Variants in MICAL3 observed in about 807,000 individuals in gnomAD.
The protein encoded by MICAL3 is microtubule associated monooxygenase, calponin and LIM domain containing 3.
MICAL3 carries 62 observed loss-of-function variants against 207.4 expected under a neutral mutation model. The ratio of observed to expected loss-of-function variants is 0.30; its 90% CI spans 0.24 to 0.37. MICAL3 has a LOEUF of 0.37. MICAL3 is among the 10% of genes least tolerant of loss of function. The probability of loss-of-function intolerance (pLI) is 1.00; values close to 1 mark genes in which losing one functional copy is unlikely to be tolerated. For missense variants in MICAL3, 2,368 were observed against 2,635.6 expected (o/e 0.90, Z 2.22); for synonymous variants, 1,077 against 1,069.3 (o/e 1.01, Z -0.14).
At chr22:17,996,182 G>C (rs138222930) in intron 1 of MICAL3, among the ~76,000 whole-genome samples, 5 of 147,578 alleles carry the variant, frequency 3.4e-5, no homozygotes, top group African/African-American at 1.2e-4. Flanking sequence ...GCTCACACCT[G>C]TAATCCCAAC....
rs188250032 is a variant in MICAL3, at chr22:17,971,907, G to C, written c.-75+52374C>G. On this transcript the variant is annotated intron_variant, in intron 1 of 31. Coordinates refer to ENST00000441493, the MANE Select transcript of MICAL3 (RefSeq NM_015241.3). ...CACCGGCACAGGCGACAATGCACAT[G>C]GCCTTCCAGGACCACCGGCCAGTGG... 3.2e-3 allele frequency among the ~76,000 whole-genome samples: 482 copies of C among 152,266 alleles called. 4 individuals are homozygous for C. Among genetic ancestry groups the C allele is most frequent in the African/African-American group, 0.011 (459 of 41,552 alleles).
At chr22:17,880,206 T>C (rs1929289579) in intron 16 of MICAL3, among the ~76,000 whole-genome samples, 1 of 152,194 alleles carries the variant, frequency 6.6e-6, no homozygotes, top group African/African-American at 2.4e-5. Flanking sequence ...GATTCGAGTC[T>C]GGCTGCATTG....
intron 1 of MICAL3, among the ~76,000 whole-genome samples, chr22:18,001,730 C>G (rs559207640): frequency 5.2e-4 from 79 of 152,376 alleles, no homozygotes; most frequent in Middle Eastern, 3.4e-3. Context: ...CCTTCGTCCT[C>G]TCCGTCCCCC....
chr22:17,830,821 G>A (rs762952694), intron 21 of MICAL3, among the ~76,000 whole-genome samples: 2 of 152,214 alleles, frequency 1.3e-5, no homozygotes, highest in Non-Finnish European at 2.9e-5. Context: ...CTGTTCTCGC[G>A]GACGCCCAAC....
intron 25 of MICAL3, 51 bp from the exon 26 acceptor site, chr22:17,819,180 C>T: frequency 7.0e-7 from 1 of 1,420,080 alleles, no homozygotes; most frequent in East Asian, 2.5e-5. Context: ...CTTTCACGAC[C>T]AGCAGCATCC....
chr22:17,812,051 C>T (rs1227016858), intron 27 of MICAL3, among the ~76,000 whole-genome samples: 1 of 152,208 alleles, frequency 6.6e-6, no homozygotes, highest in East Asian at 1.9e-4. Flanking sequence ...ACCTGGCCAA[C>T]AAGAAAACTT....
intron 2 of MICAL3, 60 bp from the exon 3 acceptor site, chr22:17,904,899 T>G: frequency 8.0e-7 from 1 of 1,250,552 alleles, no homozygotes; most frequent in South Asian, 1.2e-5. Context: ...TCTCAAGAAG[T>G]CTCATGATTG....
chr22:17,880,511 T>C (rs1242828096), intron 16 of MICAL3, among the ~76,000 whole-genome samples: 1 of 152,234 alleles, frequency 6.6e-6, no homozygotes, highest in Admixed American at 6.5e-5. Flanking sequence ...GGTCACACTT[T>C]AAACAGGCCA....
chr22:18,002,357 G>A (rs1293707223), intron 1 of MICAL3, among the ~76,000 whole-genome samples: 2 of 152,148 alleles, frequency 1.3e-5, no homozygotes, highest in African/African-American at 2.4e-5. Flanking sequence ...GAGGGCGGGC[G>A]CGGTGGCACA....
At chr22:17,832,877 C>CT (rs2146045653) in intron 20 of MICAL3, among the ~76,000 whole-genome samples, 1 of 152,302 alleles carries the variant, frequency 6.6e-6, no homozygotes, top group South Asian at 2.1e-4. Context: ...GAGCAGGACA[C>CT]TGTGGGGACA....
chr22:17,983,036 C>A (rs145831731), intron 1 of MICAL3, among the ~76,000 whole-genome samples: 10 of 152,274 alleles, frequency 6.6e-5, no homozygotes, highest in African/African-American at 2.2e-4. Context: ...TGCCTCTGGG[C>A]CCCATGGGTC....
Position 17,790,496 on chromosome 22 carries a change from CTGAG to C in MICAL3, c.*232_*235del. ...ATGCCATACACGCCGTGCTGCTCCTCTGAGTGGGAGGTCCAGGTGGGCCTCCTCC... is the reference window on the plus strand; with the variant it reads ...ATGCCATACACGCCGTGCTGCTCCTCTGGGAGGTCCAGGTGGGCCTCCTCC... On this transcript the variant is annotated 3_prime_UTR_variant, in exon 32 of 32. Coordinates refer to ENST00000441493, the MANE Select transcript of MICAL3 (RefSeq NM_015241.3). 1.8e-6 allele frequency: 1 copy of C among 569,376 alleles called. No homozygotes were observed. The highest frequency in any genetic ancestry group is 3.1e-6 in the Non-Finnish European group (1 of 319,254). 35.3% of individuals were successfully genotyped at this position (569,376 alleles called of 1,614,324 possible).
chr22:17,969,578 G>A (rs1272227277), intron 1 of MICAL3, among the ~76,000 whole-genome samples: 1 of 151,760 alleles, frequency 6.6e-6, no homozygotes, highest in Non-Finnish European at 1.5e-5. Context: ...TCCTTTTTTG[G>A]TTTATCTTAG....
chr22:17,809,991 C>T (rs982825082), intron 28 of MICAL3, among the ~76,000 whole-genome samples: 25 of 150,904 alleles, frequency 1.7e-4, no homozygotes, highest in African/African-American at 5.1e-4. Flanking sequence ...TGGGTTCAAG[C>T]GATTCTCGTG....
chr22:17,846,273 G>C (rs1208949184), intron 19 of MICAL3, among the ~76,000 whole-genome samples: 3 of 152,182 alleles, frequency 2.0e-5, no homozygotes, highest in Non-Finnish European at 4.4e-5. Flanking sequence ...GCCATTGCCG[G>C]GGGTTCAGTG....
intron 1 of MICAL3, among the ~76,000 whole-genome samples, chr22:17,989,644 C>T (rs57284059): frequency 0.058 from 8,778 of 152,220 alleles, 410 homozygotes; most frequent in African/African-American, 0.13. Context: ...GTTCAAATTG[C>T]ATCTCCTCCG....
At chr22:17,972,195 G>A (rs28454180) in intron 1 of MICAL3, among the ~76,000 whole-genome samples, 7,338 of 152,190 alleles carry the variant, frequency 0.048, 578 homozygotes, top group African/African-American at 0.17. Flanking sequence ...AATTTGGTTT[G>A]TAGAAAAAAG....
At chr22:17,876,838 GGGAGGTTAGGGAGGTTAT>G (rs1602119070) in intron 16 of MICAL3, 24 of 58,946 alleles carry the variant, frequency 4.1e-4, no homozygotes, top group South Asian at 8.8e-4. Context: ...ATGGAGGTTA[GGGAGGTTAGGGAGGTTAT>G]GGAGGTTAGG....
At chr22:17,802,020 G>A (rs572127600) in intron 29 of MICAL3, among the ~76,000 whole-genome samples, 4 of 152,038 alleles carry the variant, frequency 2.6e-5, no homozygotes, top group Non-Finnish European at 4.4e-5. Context: ...CTAAAGAAAC[G>A]CGTTCTGACG....
Sources: allele counts gnomAD v4.1 joint callset (sites outside exome capture counted in the v4.1 genomes callset), GRCh38; gene constraint gnomAD v4.1.1; transcripts MANE v1.5; gene names NCBI Gene and HGNC (gene_info 2026-07-23, HGNC 2026-07-21).